Variants in COL23A1 observed in about 807,000 individuals in gnomAD.
The protein encoded by COL23A1 is collagen type XXIII alpha 1 chain.
A neutral mutation model predicts 99.3 loss-of-function variants in COL23A1; 97 were observed. The observed-to-expected ratio is 0.98, with a 90% CI of 0.83 to 1.16. The LOEUF (loss-of-function observed/expected upper bound fraction) is 1.16. COL23A1 is among the 50% of genes most tolerant of loss of function. The pLI is 0.00. For synonymous variants in COL23A1, 320 were observed against 308.2 expected (o/e 1.04, Z -0.40); for missense variants, 762 against 757.4 (o/e 1.01, Z -0.07).
At chr5:178,260,842 G>A (rs1335040722) in intron 11 of COL23A1, among the ~76,000 whole-genome samples, 1 of 152,186 alleles carries the variant, frequency 6.6e-6, no homozygotes, top group African/African-American at 2.4e-5. Flanking sequence ...GGGAGAACGA[G>A]GGATGAACAG....
At chr5:178,540,058 CA>C (rs1199185713) in intron 2 of COL23A1, among the ~76,000 whole-genome samples, 1 of 152,188 alleles carries the variant, frequency 6.6e-6, no homozygotes, top group Admixed American at 6.5e-5. Context: ...CAAACTGTAA[CA>C]CCTAATCATC....
At position 178,365,136 on chromosome 5, in the gene COL23A1, CGTGTGTGTGTGTGTGTGTGT is replaced by C. The variant is rs55995523; in HGVS notation, c.362-58237_362-58218del. ...GGGCTTTATGATGTTGCTGTGTGTG[CGTGTGTGTGTGTGTGTGTGT>C]GTGTGTGTGTGTGTGATAAATAAGC... On this transcript the variant is annotated intron_variant, in intron 2 of 28. Transcript: ENST00000390654. The surrounding 1 kb of genome is among the most constrained non-coding windows in gnomAD (Gnocchi z 5.2). Among the ~76,000 whole-genome samples the C allele has an allele frequency of 6.8e-6, 1 of 147,806 alleles. No homozygotes were observed.
At position 178,262,212 on chromosome 5, in the gene COL23A1, C is replaced by A; in HGVS notation, c.675+5G>T. 6.3e-7 allele frequency: 1 copy of A among 1,581,808 alleles called. No individual in the cohort carries two copies. The highest frequency in any genetic ancestry group is 8.6e-7 in the Non-Finnish European group (1 of 1,163,206). On this transcript the variant is annotated splice_donor_5th_base_variant and intron_variant, in intron 10 of 28. Coordinates refer to ENST00000390654, the MANE Select transcript of COL23A1 (RefSeq NM_173465.4). Reference sequence around the variant, plus strand: ...CCAGGCCTCTGGAATGCCCTGGATACTGACCATCTCGCCGTCTTGTCCGGG... The same window carrying A: ...CCAGGCCTCTGGAATGCCCTGGATAATGACCATCTCGCCGTCTTGTCCGGG...
chr5:178,492,813 C>A (rs996774216), intron 2 of COL23A1, among the ~76,000 whole-genome samples: 3 of 152,050 alleles, frequency 2.0e-5, no homozygotes, highest in African/African-American at 7.2e-5. Flanking sequence ...CAGAGCCAGG[C>A]TCTCTGTAGT....
intron 3 of COL23A1, among the ~76,000 whole-genome samples, chr5:178,294,685 T>C (rs1471931434): frequency 1.3e-5 from 2 of 152,124 alleles, no homozygotes; most frequent in Non-Finnish European, 2.9e-5. Context: ...AAGAAAACCA[T>C]AAAAATCCTA....
intron 2 of COL23A1, among the ~76,000 whole-genome samples, chr5:178,452,902 C>T (rs941904452): frequency 6.6e-6 from 1 of 152,184 alleles, no homozygotes; most frequent in African/African-American, 2.4e-5. Context: ...ACGATTTCCA[C>T]TAGGACCTAA....
At chr5:178,263,376 CAG>C (rs1158785211) in intron 8 of COL23A1, 52 bp from the exon 9 acceptor site, 10 of 1,151,154 alleles carry the variant, frequency 8.7e-6, no homozygotes, top group South Asian at 1.5e-5. Flanking sequence ...GTCCAGCCTC[CAG>C]AGAGAGGCTC....
At chr5:178,372,369 T>C (rs111519876) in intron 2 of COL23A1, among the ~76,000 whole-genome samples, 8 of 152,248 alleles carry the variant, frequency 5.3e-5, no homozygotes, top group African/African-American at 1.9e-4. Context: ...AGTTGCTGAC[T>C]CTGGTGTTGG....
At chr5:178,452,243 A>G (rs1767530659) in intron 2 of COL23A1, among the ~76,000 whole-genome samples, 1 of 152,214 alleles carries the variant, frequency 6.6e-6, no homozygotes, top group East Asian at 1.9e-4. Context: ...TGATACTGCA[A>G]ACTAATAGGG....
chr5:178,339,579 T>C (rs2973808), intron 2 of COL23A1, among the ~76,000 whole-genome samples: 89,527 of 152,078 alleles, frequency 0.59, 27,018 homozygotes, highest in East Asian at 0.8. Flanking sequence ...CTCACTGACC[T>C]CACAGCCAGC....
intron 2 of COL23A1, among the ~76,000 whole-genome samples, chr5:178,475,994 C>A (rs1032855851): frequency 6.6e-6 from 1 of 152,192 alleles, no homozygotes; most frequent in Non-Finnish European, 1.5e-5. Context: ...GAATAATCCC[C>A]CTTTCGGCAA....
At chr5:178,430,487 G>A (rs117178557) in intron 2 of COL23A1, among the ~76,000 whole-genome samples, 1 of 152,294 alleles carries the variant, frequency 6.6e-6, no homozygotes, top group East Asian at 1.9e-4. Context: ...CGTGAGAGGC[G>A]AGCTTCTCTC....
intron 2 of COL23A1, among the ~76,000 whole-genome samples, chr5:178,321,790 C>G (rs900205909): frequency 1.0e-4 from 15 of 149,674 alleles, no homozygotes; most frequent in Non-Finnish European, 2.1e-4. Flanking sequence ...CGCCCGGCCC[C>G]GTAGCCTTCC....
intron 2 of COL23A1, among the ~76,000 whole-genome samples, chr5:178,331,258 C>T (rs535881179): frequency 6.6e-6 from 1 of 152,342 alleles, no homozygotes; most frequent in Admixed American, 6.5e-5. Flanking sequence ...AGAAATGACC[C>T]TTCTGGGTAT....
chr5:178,459,033 T>A (rs1755967808), intron 2 of COL23A1, among the ~76,000 whole-genome samples: 1 of 151,998 alleles, frequency 6.6e-6, no homozygotes, highest in African/African-American at 2.4e-5. Flanking sequence ...AAGAAAAAAT[T>A]AAAGGGAAGG....
intron 2 of COL23A1, among the ~76,000 whole-genome samples, chr5:178,529,575 T>C (rs1328749464): frequency 6.6e-6 from 1 of 152,192 alleles, no homozygotes; most frequent in Non-Finnish European, 1.5e-5. Flanking sequence ...TTTTTTTGCT[T>C]TATTTTGTCA....
chr5:178,517,873 CTTTTTTTTTTTTTTTTT>C (rs71577021), intron 2 of COL23A1, among the ~76,000 whole-genome samples: 1 of 97,736 alleles, frequency 1.0e-5, no homozygotes, highest in Non-Finnish European at 1.9e-5. Flanking sequence ...AACAGCGGTT[CTTTTTTTTTTTTTTTTT>C]TTTTTTTTTT....
Position 178,440,616 on chromosome 5 carries a change from C to CTT in COL23A1, c.361+120064_361+120065dup, listed in dbSNP as rs746471784. On this transcript the variant is annotated intron_variant, in intron 2 of 28. Coordinates refer to ENST00000390654, the MANE Select transcript of COL23A1 (RefSeq NM_173465.4). ...TCATGAGATGACTGTTTTCATCTTTCTTTTTTTTTTTTTTCTGAGATGGAG... is the reference window on the plus strand; with the variant it reads ...TCATGAGATGACTGTTTTCATCTTTCTTTTTTTTTTTTTTTTCTGAGATGGAG... Among the ~76,000 whole-genome samples, 256 of 142,068 alleles carry CTT rather than the reference C, an allele frequency of 1.8e-3. 3 individuals carry two copies. The highest frequency in any genetic ancestry group is 5.9e-3 in the African/African-American group (227 of 38,390). 93.2% of individuals were successfully genotyped at this position (142,068 alleles called of 152,430 possible).
At chr5:178,448,034 C>T (rs540919908) in intron 2 of COL23A1, among the ~76,000 whole-genome samples, 32 of 152,282 alleles carry the variant, frequency 2.1e-4, no homozygotes, top group Middle Eastern at 3.4e-3. Flanking sequence ...ACCCCCAATG[C>T]GACAGTATTG....
Sources: gnomAD v4.1 joint callset for allele counts (sites outside exome capture counted in the v4.1 genomes callset) on GRCh38, gnomAD v4.1.1 for gene constraint, Gnocchi (gnomAD v3.1) non-coding constraint, MANE v1.5 for transcripts, NCBI Gene and HGNC (gene_info 2026-07-23, HGNC 2026-07-21) for gene names.